JMJD1C: variants seen among roughly 807,000 people sequenced by gnomAD.
The protein encoded by JMJD1C is jumonji domain containing 1C.
In JMJD1C, 31 loss-of-function variants were observed where a neutral mutation model predicts 245.3. The observed-to-expected ratio is 0.13, with a 90% CI of 0.09 to 0.17. JMJD1C has a LOEUF of 0.17. Ranked by LOEUF, JMJD1C falls within the 10% of genes least tolerant of loss-of-function variation. JMJD1C has a pLI of 1.00. For missense variants in JMJD1C, 2,691 were observed against 3,000.2 expected, an observed-to-expected ratio of 0.90 and a Z score of 2.41; for synonymous variants, 1,057 against 1,017.4, an observed-to-expected ratio of 1.04 and a Z score of -0.74.
At chr10:63,428,875 G>C (rs528726574) in intron 1 of JMJD1C, among the ~76,000 whole-genome samples, 11 of 151,894 alleles carry the variant, frequency 7.2e-5, no homozygotes, top group Non-Finnish European at 1.3e-4. Flanking sequence ...AAAAATACTC[G>C]GTCAAGGTAA....
Position 63,461,413 on chromosome 10 carries a change from C to G in JMJD1C, c.168+4082G>C, listed in dbSNP as rs145315194. Among the ~76,000 whole-genome samples, 153 of 152,068 alleles carry G rather than the reference C, an allele frequency of 1.0e-3. 2 individuals are homozygous for G. The highest frequency in any genetic ancestry group is 3.6e-3 in the African/African-American group (148 of 41,478). ...TGTCAGACTGACATAAAGAAACATA[C>G]AAGGAAATGTAATGCTACCAACTAA... On this transcript the variant is annotated intron_variant, in intron 1 of 25. Transcript: ENST00000399262.
At chr10:63,340,090 T>C (rs562968082) in intron 2 of JMJD1C, among the ~76,000 whole-genome samples, 3 of 152,138 alleles carry the variant, frequency 2.0e-5, no homozygotes, top group South Asian at 4.1e-4. Flanking sequence ...ATTACACATA[T>C]ATAGGTTGGG....
At chr10:63,215,483 T>C (rs767037052) in intron 6 of JMJD1C, 28 bp from the exon 7 acceptor site, 5 of 1,612,486 alleles carry the variant, frequency 3.1e-6, no homozygotes, top group Non-Finnish European at 4.2e-6. Context: ...ACAGTAATTG[T>C]TTACTACCTG....
intron 5 of JMJD1C, among the ~76,000 whole-genome samples, chr10:63,216,518 G>C (rs1847996266): frequency 6.6e-6 from 1 of 152,000 alleles, no homozygotes; most frequent in Admixed American, 6.6e-5. Flanking sequence ...AGACCATCCT[G>C]GCTAACATGG....
At chr10:63,335,540 C>G (rs889876884) in intron 2 of JMJD1C, among the ~76,000 whole-genome samples, 7 of 152,098 alleles carry the variant, frequency 4.6e-5, no homozygotes, top group African/African-American at 1.7e-4. Flanking sequence ...GAGACAAAGT[C>G]TTACTCTGAC....
chr10:63,217,445 T>C lies in JMJD1C; in HGVS notation c.554-114A>G, dbSNP rs975171477. The C allele has an allele frequency of 2.6e-5, 21 of 797,534 alleles. No individual in the cohort carries two copies. In the Admixed American group the frequency reaches 6.5e-4, roughly 25 times the overall value. The allele number at this position is 797,534 out of a possible 1,614,324, so 49.4% of individuals were successfully genotyped here. On this transcript the variant is annotated intron_variant, in intron 4 of 25. Coordinates refer to ENST00000399262, the MANE Select transcript of JMJD1C (RefSeq NM_032776.3). ...TAATAGTAATATATCCAACTATCAGTTTTCAAAAAAATGTTTTAGAAGTAA... is the reference window on the plus strand; with the variant it reads ...TAATAGTAATATATCCAACTATCAGCTTTCAAAAAAATGTTTTAGAAGTAA...
chr10:63,325,490 C>T (rs893957211), intron 2 of JMJD1C, among the ~76,000 whole-genome samples: 20 of 152,190 alleles, frequency 1.3e-4, no homozygotes, highest in Admixed American at 2.6e-4. Context: ...CACAGGCACA[C>T]ACCACCCACC....
chr10:63,193,180 AAC>A (rs753167681), intron 15 of JMJD1C, 29 bp from the exon 16 acceptor site: 1 of 1,573,956 alleles, frequency 6.4e-7, no homozygotes, highest in African/African-American at 1.4e-5. Context: ...TACATTTTTA[AAC>A]ACTTTCTTCA....
intron 2 of JMJD1C, among the ~76,000 whole-genome samples, chr10:63,280,691 T>C (rs1363067690): frequency 6.6e-6 from 1 of 152,218 alleles, no homozygotes; most frequent in African/African-American, 2.4e-5. Context: ...TCAATCTACT[T>C]AGTGTTTAAG....
chr10:63,326,649 G>A (rs1226936221), intron 2 of JMJD1C, among the ~76,000 whole-genome samples: 4 of 151,314 alleles, frequency 2.6e-5, no homozygotes, highest in African/African-American at 9.7e-5. Flanking sequence ...GGAGGCCGAG[G>A]CAGGCAGATT....
intron 1 of JMJD1C, among the ~76,000 whole-genome samples, chr10:63,482,385 C>T: frequency 6.6e-6 from 1 of 152,114 alleles, no homozygotes; most frequent in Admixed American, 6.6e-5. Context: ...CCTGTAATCC[C>T]AGCACTTTGG....
In JMJD1C at chr10:63,167,925, C is replaced by T; in HGVS notation, c.*120G>A. 1 of 659,698 alleles carries T rather than the reference C, an allele frequency of 1.5e-6. No individual in the cohort carries two copies. Among genetic ancestry groups the T allele is most frequent in the Non-Finnish European group, 2.7e-6 (1 of 367,124 alleles). 40.9% of individuals were successfully genotyped at this position (659,698 alleles called of 1,614,324 possible). ...TGGTGTCAGTAACAAGTAATTACTA[C>T]AAAGAGAATTTCTTGGCACTGATGG... On this transcript the variant is annotated 3_prime_UTR_variant, in exon 26 of 26. Coordinates refer to ENST00000399262, the MANE Select transcript of JMJD1C (RefSeq NM_032776.3).
At chr10:63,175,480 A>G (rs1842792366) in intron 24 of JMJD1C, among the ~76,000 whole-genome samples, 1 of 152,238 alleles carries the variant, frequency 6.6e-6, no homozygotes, top group African/African-American at 2.4e-5. Context: ...AAGCTAAGCA[A>G]TTATTATCAC....
At chr10:63,381,126 T>C (rs933227462) in intron 1 of JMJD1C, among the ~76,000 whole-genome samples, 1 of 152,182 alleles carries the variant, frequency 6.6e-6, no homozygotes, top group Non-Finnish European at 1.5e-5. Context: ...GCAGTATGAA[T>C]AGAACTGGAG....
intron 1 of JMJD1C, among the ~76,000 whole-genome samples, chr10:63,459,252 T>G (rs1952622838): frequency 6.6e-6 from 1 of 152,212 alleles, no homozygotes; most frequent in Non-Finnish European, 1.5e-5. Context: ...TGCTTCCAAA[T>G]GAATCATTAA....
chr10:63,281,458 C>A (rs1382006682), intron 2 of JMJD1C, among the ~76,000 whole-genome samples: 2 of 65,350 alleles, frequency 3.1e-5, no homozygotes, highest in East Asian at 5.0e-4. Flanking sequence ...TGCGCCTGGC[C>A]TTTTTTTTTT....
At chr10:63,394,713 G>A (rs1484706216) in intron 1 of JMJD1C, among the ~76,000 whole-genome samples, 2 of 151,962 alleles carry the variant, frequency 1.3e-5, no homozygotes, top group Non-Finnish European at 2.9e-5. Context: ...GCTTGGTGGC[G>A]CATGCCTGCA....
At chr10:63,316,067 G>A (rs1269198293) in intron 2 of JMJD1C, among the ~76,000 whole-genome samples, 1 of 152,114 alleles carries the variant, frequency 6.6e-6, no homozygotes, top group Non-Finnish European at 1.5e-5. Flanking sequence ...ATCTACTTGG[G>A]AGGGTAATGT....
At chr10:63,248,147 C>A (rs994806520) in intron 3 of JMJD1C, among the ~76,000 whole-genome samples, 4 of 151,194 alleles carry the variant, frequency 2.6e-5, no homozygotes, top group African/African-American at 9.7e-5. Flanking sequence ...TATTTTACCA[C>A]AATTAAACAT....
Sources: allele counts gnomAD v4.1 joint callset (sites outside exome capture counted in the v4.1 genomes callset), GRCh38; gene constraint gnomAD v4.1.1; transcripts MANE v1.5; gene names NCBI Gene and HGNC (gene_info 2026-07-23, HGNC 2026-07-21).